DCAF6: variants seen among roughly 807,000 people sequenced by gnomAD.
DCAF6 encodes DDB1 and CUL4 associated factor 6.
DCAF6 carries 54 observed loss-of-function variants against 125.1 expected under a neutral mutation model. The ratio of observed to expected loss-of-function variants is 0.43; its 90% CI spans 0.35 to 0.54. DCAF6 has a LOEUF of 0.54. DCAF6 is among the 20% of genes least tolerant of loss of function. The pLI is 0.01. For missense variants in DCAF6, 934 were observed against 1,161.7 expected (o/e 0.80, Z 2.85); for synonymous variants, 371 against 390.4 (o/e 0.95, Z 0.58).
At chr1:167,951,244 T>C (rs1673886892) in intron 1 of DCAF6, among the ~76,000 whole-genome samples, 3 of 152,312 alleles carry the variant, frequency 2.0e-5, no homozygotes, top group Admixed American at 2.0e-4. Context: ...GAGTGTTTAT[T>C]GTGGTCCAGA....
chr1:168,015,939 C>T lies in DCAF6; in HGVS notation c.1537C>T (p.Pro513Ser), dbSNP rs1406326120. 6.7e-7 allele frequency: 1 copy of T among 1,497,842 alleles called. No homozygotes were observed. Among genetic ancestry groups the T allele is most frequent in the Admixed American group, 2.3e-5 (1 of 42,800 alleles). The allele number at this position is 1,497,842 out of a possible 1,614,324, so 92.8% of individuals were successfully genotyped here. ...QSSHEGSSQD[P>S]HASDSPSSVV... ...TTCTCATGAGGGCTCTTCACAGGAC[C>T]CTCATGCTTCAGGTTATTAATGTCA... Residue 513 changes from proline to serine, a missense_variant, in exon 11 of 22, where the codon CCT becomes TCT. Physicochemically the swap from Pro to Ser is moderately conservative, Grantham distance 74 (BLOSUM62 -1). This residue lies in a region of DCAF6 where 559 missense variants were observed against 635.5 expected (regional missense o/e 0.88). Coordinates refer to ENST00000367840, the MANE Select transcript of DCAF6 (RefSeq NM_001198956.2).
chr1:167,928,528 A>G, the DCAF6 span, among the ~76,000 whole-genome samples: 1 of 152,226 alleles, frequency 6.6e-6, no homozygotes, highest in African/African-American at 2.4e-5. Context: ...CAATTGATCA[A>G]CAGTGGATAT....
intron 4 of DCAF6, among the ~76,000 whole-genome samples, chr1:167,978,717 C>T (rs1350631289): frequency 6.6e-6 from 1 of 152,096 alleles, no homozygotes; most frequent in Non-Finnish European, 1.5e-5. Flanking sequence ...CTCACTTTTT[C>T]ACCCAGGCTG....
At chr1:167,871,242 T>C in the DCAF6 span, among the ~76,000 whole-genome samples, 2 of 152,218 alleles carry the variant, frequency 1.3e-5, no homozygotes, top group Admixed American at 6.5e-5. Context: ...TAAATGAAGA[T>C]TATACTTAAT....
At chr1:167,955,015 T>G (rs377059922) in intron 2 of DCAF6, among the ~76,000 whole-genome samples, 4 of 152,230 alleles carry the variant, frequency 2.6e-5, no homozygotes, top group African/African-American at 9.6e-5. Flanking sequence ...ACGGAATCAT[T>G]GACTATGTAT....
At chr1:167,936,068 C>CGCCTCCG, upstream of DCAF6, 2 of 577,840 alleles carry the variant, frequency 3.5e-6, no homozygotes, top group Non-Finnish European at 6.3e-6. Context: ...GCCCCCGGTC[C>CGCCTCCG]GCCTCCGGCC....
intron 1 of DCAF6, among the ~76,000 whole-genome samples, chr1:167,941,982 C>T (rs1383611566): frequency 1.3e-5 from 2 of 152,242 alleles, no homozygotes; most frequent in Admixed American, 6.5e-5. Flanking sequence ...TCCACATTCT[C>T]ATCAGCATTT....
chr1:167,943,302 T>A (rs918690903), intron 1 of DCAF6, among the ~76,000 whole-genome samples: 2 of 152,232 alleles, frequency 1.3e-5, no homozygotes, highest in Non-Finnish European at 2.9e-5. Context: ...CTTGTCAATT[T>A]CTACAAAAAG....
At chr1:168,065,828 T>A in intron 19 of DCAF6, 82 bp downstream of exon 19, 2 of 1,296,624 alleles carry the variant, frequency 1.5e-6, no homozygotes, top group South Asian at 1.6e-5. Context: ...TTTTAATTGT[T>A]AATATTATAA....
intron 3 of DCAF6, among the ~76,000 whole-genome samples, chr1:167,974,240 T>C (rs904302461): frequency 1.3e-5 from 2 of 152,158 alleles, no homozygotes; most frequent in Non-Finnish European, 2.9e-5. Flanking sequence ...TTGTCAGTTA[T>C]TTTTCCTCTC....
intron 4 of DCAF6, among the ~76,000 whole-genome samples, chr1:167,977,601 T>C (rs1260253370): frequency 6.6e-6 from 1 of 152,130 alleles, no homozygotes; most frequent in South Asian, 2.1e-4. Flanking sequence ...ACTTGGGATT[T>C]GTTGATGTTC....
At chr1:167,892,449 T>C in the DCAF6 span, among the ~76,000 whole-genome samples, 1 of 152,226 alleles carries the variant, frequency 6.6e-6, no homozygotes, top group Non-Finnish European at 1.5e-5. Context: ...CTCTTAGCTG[T>C]ACCTCTTCAC....
At chr1:167,882,158 G>T in the DCAF6 span, among the ~76,000 whole-genome samples, 1 of 152,172 alleles carries the variant, frequency 6.6e-6, no homozygotes, top group Non-Finnish European at 1.5e-5. Flanking sequence ...GTGGTCATTT[G>T]TTCATCACAT....
At position 167,952,729 on chromosome 1, in the gene DCAF6, CCATGG is replaced by C. The variant is rs1198572903; in HGVS notation, c.159+870_159+874del. On this transcript the variant is annotated intron_variant, in intron 2 of 21. Transcript: ENST00000367840. The stretch of plus-strand genomic sequence containing the variant: ...CAGCTCAAAATGACCCTATCTAGTC[CCATGG>C]CTAAAGAAAACATGACTTCTGCCTC... 3.3e-5 allele frequency among the ~76,000 whole-genome samples: 5 copies of C among 152,038 alleles called. No homozygotes were observed. In the East Asian group the frequency reaches 9.6e-4, roughly 29 times the overall value.
chr1:168,050,950 C>A lies in DCAF6; in HGVS notation c.2300+17C>A. 1.5e-6 allele frequency: 2 copies of A among 1,341,208 alleles called. No homozygotes were observed. Among genetic ancestry groups the A allele is most frequent in the Admixed American group, 2.8e-5 (1 of 35,790 alleles). 83.1% of individuals were successfully genotyped at this position (1,341,208 alleles called of 1,614,324 possible). ...AATAATGAGGTAATTCAGTATGTTC[C>A]TTCATAATTTTTTTTTTATGATGGA... On this transcript the variant is annotated intron_variant, in intron 17 of 21. Coordinates refer to ENST00000367840, the MANE Select transcript of DCAF6 (RefSeq NM_001198956.2).
At chr1:167,964,115 T>C (rs1415501309) in intron 2 of DCAF6, among the ~76,000 whole-genome samples, 1 of 152,212 alleles carries the variant, frequency 6.6e-6, no homozygotes, top group African/African-American at 2.4e-5. Context: ...TTGTGTTTTA[T>C]CTTCACTTAT....
chr1:168,020,766 TTATG>T (rs1350691009), intron 11 of DCAF6, among the ~76,000 whole-genome samples: 4 of 152,248 alleles, frequency 2.6e-5, no homozygotes, highest in Non-Finnish European at 5.9e-5. Context: ...TTGAAAATAT[TTATG>T]TAAGATAGGA....
In DCAF6 at chr1:167,963,068, T is replaced by TG. The variant is rs564026547; in HGVS notation, c.160-3558dup. Among the ~76,000 whole-genome samples the TG allele has an allele frequency of 5.7e-4, 87 of 152,222 alleles. 1 individual carries two copies. The South Asian group carries it at 0.017, about 29-fold the overall frequency. ...TGAGGTCTGGAGTTCGAGACCAGCCTGGGCAACATGGTGAAACCCTGGCTC... is the reference window on the plus strand; with the variant it reads ...TGAGGTCTGGAGTTCGAGACCAGCCTGGGGCAACATGGTGAAACCCTGGCTC... On this transcript the variant is annotated intron_variant, in intron 2 of 21. Coordinates refer to ENST00000367840, the MANE Select transcript of DCAF6 (RefSeq NM_001198956.2).
intron 6 of DCAF6, among the ~76,000 whole-genome samples, chr1:167,991,959 A>C (rs1680897447): frequency 6.6e-6 from 1 of 152,074 alleles, no homozygotes; most frequent in African/African-American, 2.4e-5. Context: ...TCACATTCTG[A>C]GGTTCTGTGT....
Sources: allele counts gnomAD v4.1 joint callset (sites outside exome capture counted in the v4.1 genomes callset), GRCh38; gene constraint gnomAD v4.1.1; regional missense constraint gnomAD v4.1.1; transcripts MANE v1.5; gene names NCBI Gene and HGNC (gene_info 2026-07-23, HGNC 2026-07-21).